GLYATL2: variants seen among roughly 807,000 people sequenced by gnomAD.
GLYATL2 encodes glycine-N-acyltransferase like 2.
A neutral mutation model predicts 21.4 loss-of-function variants in GLYATL2; 25 were observed. The ratio of observed to expected loss-of-function variants is 1.17; its 90% confidence interval spans 0.85 to 1.63. The LOEUF is 1.63. Ranked by LOEUF, GLYATL2 falls within the 40% of genes most tolerant of loss-of-function variation. GLYATL2 has a pLI of 0.00. For synonymous variants in GLYATL2, 114 were observed against 118.2 expected, an observed-to-expected ratio of 0.96 and a Z score of 0.23; for missense variants, 361 against 343.3, an observed-to-expected ratio of 1.05 and a Z score of -0.41.
chr11:58,862,015 C>A (rs1853940198), intron 1 of GLYATL2, among the ~76,000 whole-genome samples: 2 of 150,138 alleles, frequency 1.3e-5, no homozygotes, highest in Non-Finnish European at 3.0e-5. Flanking sequence ...GTTTGCCTGG[C>A]AAAGTTTTTA....
At chr11:58,856,880 G>C (rs1475167146) in intron 1 of GLYATL2, among the ~76,000 whole-genome samples, 1 of 152,196 alleles carries the variant, frequency 6.6e-6, no homozygotes, top group Non-Finnish European at 1.5e-5. Flanking sequence ...CAGGAAGGGA[G>C]CACATTTGTT....
intron 1 of GLYATL2, among the ~76,000 whole-genome samples, chr11:58,867,124 G>A (rs1030825107): frequency 2.0e-5 from 3 of 148,942 alleles, no homozygotes; most frequent in Non-Finnish European, 3.0e-5. Flanking sequence ...GAGTTTTAGG[G>A]CCTCATAGGG....
intron 1 of GLYATL2, among the ~76,000 whole-genome samples, chr11:58,894,203 G>A (rs573825585): frequency 6.6e-6 from 1 of 152,250 alleles, no homozygotes; most frequent in East Asian, 1.9e-4. Flanking sequence ...TATCTTAAGG[G>A]GTCAGGGGCA....
chr11:58,865,038 G>T (rs1318329221), intron 1 of GLYATL2, among the ~76,000 whole-genome samples: 2 of 148,894 alleles, frequency 1.3e-5, no homozygotes, highest in African/African-American at 4.9e-5. Flanking sequence ...TATGGCATAG[G>T]TTGTGTTGAT....
At chr11:58,836,036 G>T (rs1157604466) in intron 5 of GLYATL2, among the ~76,000 whole-genome samples, 1 of 152,048 alleles carries the variant, frequency 6.6e-6, no homozygotes, top group Non-Finnish European at 1.5e-5. Context: ...AGCATAAATG[G>T]ATTACTAGAG....
chr11:58,859,413 ACT>A (rs966830108), intron 1 of GLYATL2, among the ~76,000 whole-genome samples: 2 of 152,102 alleles, frequency 1.3e-5, no homozygotes, highest in Non-Finnish European at 2.9e-5. Context: ...AGAAAAAAAA[ACT>A]CAGAGAGAGA....
chr11:58,837,405 A>G lies in GLYATL2; in HGVS notation c.187-8T>C. On this transcript the variant is annotated splice_polypyrimidine_tract_variant and splice_region_variant and intron_variant, in intron 3 of 5. Coordinates refer to ENST00000287275, the MANE Select transcript of GLYATL2 (RefSeq NM_145016.4). Reference sequence around the variant, plus strand: ...CTGGTCATCTTTCATCTCCTGATATAACAAATATCAATTATATTTACATAG... The same window carrying G: ...CTGGTCATCTTTCATCTCCTGATATGACAAATATCAATTATATTTACATAG... 1 of 1,607,676 alleles carries G rather than the reference A, an allele frequency of 6.2e-7. No homozygotes were observed. Among genetic ancestry groups the G allele is most frequent in the Non-Finnish European group, 8.5e-7 (1 of 1,174,590 alleles).
chr11:58,903,881 G>A (rs1854788775), intron 1 of GLYATL2, among the ~76,000 whole-genome samples: 1 of 152,046 alleles, frequency 6.6e-6, no homozygotes, highest in Non-Finnish European at 1.5e-5. Context: ...TTATTTTTCA[G>A]TTGGAGTGGA....
chr11:58,834,356 A>G lies in GLYATL2; in HGVS notation c.*73T>C. On this transcript the variant is annotated 3_prime_UTR_variant, in exon 6 of 6. Transcript: ENST00000287275. ...AATCAGTTGCATTTTGTGCTAATGT[A>G]GATCACAATGCTTGTGTTTGAATTA... The G allele has an allele frequency of 8.0e-7, 1 of 1,246,702 alleles. No homozygotes were observed. Among genetic ancestry groups the G allele is most frequent in the Admixed American group, 2.3e-5 (1 of 43,268 alleles). The allele number at this position is 1,246,702 out of a possible 1,614,324, so 77.2% of individuals were successfully genotyped here.
At position 58,834,553 on chromosome 11, in the gene GLYATL2, A is replaced by T. The variant is rs909496704; in HGVS notation, c.761T>A (p.Ile254Asn). ...ATCTGCCACATGGAAATAAAATGGGATTTCTTTCTGAGAAAGATACTTTTC... is the reference window on the plus strand; with the variant it reads ...ATCTGCCACATGGAAATAAAATGGGTTTTCTTTCTGAGAAAGATACTTTTC... Reference protein sequence around the residue: ...HLEKYLSQKEIPFYFHVADNN... With the variant: ...HLEKYLSQKENPFYFHVADNN... Residue 254 changes from isoleucine (I) to asparagine (N), a missense_variant, in exon 6 of 6, where the codon ATC becomes AAC. Coordinates refer to ENST00000287275, the MANE Select transcript of GLYATL2 (RefSeq NM_145016.4). 1.2e-6 allele frequency: 2 copies of T among 1,613,576 alleles called. No individual in the cohort carries two copies. The highest frequency in any genetic ancestry group is 2.7e-5 in the African/African-American group (2 of 74,894).
chr11:58,845,664 T>C (rs563390993), upstream of GLYATL2, among the ~76,000 whole-genome samples: 1 of 152,306 alleles, frequency 6.6e-6, no homozygotes, highest in East Asian at 1.9e-4. Flanking sequence ...TAATCATTTA[T>C]AGCATGAGAA....
intron 1 of GLYATL2, among the ~76,000 whole-genome samples, chr11:58,876,398 G>A (rs1457650825): frequency 1.3e-5 from 2 of 152,098 alleles, no homozygotes; most frequent in Non-Finnish European, 2.9e-5. Flanking sequence ...TTTCTGCTCT[G>A]TTTTTCCCCA....
the GLYATL2 span, among the ~76,000 whole-genome samples, chr11:58,909,306 A>C: frequency 6.6e-6 from 1 of 152,332 alleles, no homozygotes; most frequent in East Asian, 1.9e-4. Flanking sequence ...ATAAGTTCTC[A>C]AGATCTGTAC....
At chr11:58,848,731 TC>T, upstream of GLYATL2, among the ~76,000 whole-genome samples, 1 of 151,718 alleles carries the variant, frequency 6.6e-6, no homozygotes, top group East Asian at 1.9e-4. Flanking sequence ...AAAGGGCAAA[TC>T]TAAGAATTAT....
At chr11:58,899,639 G>A (rs561979558) in intron 1 of GLYATL2, among the ~76,000 whole-genome samples, 1 of 152,036 alleles carries the variant, frequency 6.6e-6, no homozygotes, top group African/African-American at 2.4e-5. Flanking sequence ...AAGGAACAGA[G>A]CCAAGCACAT....
chr11:58,882,675 G>T (rs557753390), intron 1 of GLYATL2, among the ~76,000 whole-genome samples: 1 of 152,172 alleles, frequency 6.6e-6, no homozygotes, highest in Non-Finnish European at 1.5e-5. Flanking sequence ...GTCCTGAATG[G>T]TACTGCCTAG....
chr11:58,899,543 A>G (rs1012616463), intron 1 of GLYATL2, among the ~76,000 whole-genome samples: 4 of 152,190 alleles, frequency 2.6e-5, no homozygotes, highest in Non-Finnish European at 5.9e-5. Flanking sequence ...GGCCTCAGAT[A>G]CGAGCAGACA....
intron 3 of GLYATL2, among the ~76,000 whole-genome samples, chr11:58,837,687 G>A (rs1175432511): frequency 1.3e-5 from 2 of 152,172 alleles, no homozygotes; most frequent in Admixed American, 6.5e-5. Flanking sequence ...ATTTAAAAGT[G>A]AAGGTGCCTA....
At chr11:58,862,622 A>G (rs1180948322) in intron 1 of GLYATL2, among the ~76,000 whole-genome samples, 1 of 152,136 alleles carries the variant, frequency 6.6e-6, no homozygotes, top group Non-Finnish European at 1.5e-5. Context: ...CAGTTCAACC[A>G]TTGTGTCCTT....
Sources: allele counts gnomAD v4.1 joint callset (sites outside exome capture counted in the v4.1 genomes callset), GRCh38; gene constraint gnomAD v4.1.1; transcripts MANE v1.5; gene names NCBI Gene and HGNC (gene_info 2026-07-23, HGNC 2026-07-21).